Variants in XRCC4 observed in about 807,000 individuals in gnomAD.
XRCC4 encodes DNA repair protein XRCC4.
A neutral mutation model predicts 39.1 loss-of-function variants in XRCC4; 28 were observed. That is an observed-to-expected ratio of 0.72 (90% CI 0.53 to 0.98). The LOEUF (loss-of-function observed/expected upper bound fraction) is 0.98. Ranked by LOEUF, XRCC4 falls within the 50% of genes least tolerant of loss-of-function variation. The pLI is 0.00. For synonymous variants in XRCC4, 123 were observed against 126.4 expected, an observed-to-expected ratio of 0.97 and a Z score of 0.18; for missense variants, 350 against 376.4, an observed-to-expected ratio of 0.93 and a Z score of 0.58.
At chr5:83,220,741 G>T (rs1449789020) in intron 6 of XRCC4, among the ~76,000 whole-genome samples, 2 of 152,048 alleles carry the variant, frequency 1.3e-5, no homozygotes, top group African/African-American at 4.8e-5. Flanking sequence ...GATTTTTTGA[G>T]GAGAGAGAGA....
intron 7 of XRCC4, among the ~76,000 whole-genome samples, chr5:83,348,482 T>A (rs1756985791): frequency 1.3e-5 from 2 of 152,224 alleles, no homozygotes; most frequent in African/African-American, 4.8e-5. Flanking sequence ...CCAAGCTGCA[T>A]GTTGGCCCCT....
chr5:83,313,299 A>T (rs548841490), intron 7 of XRCC4, among the ~76,000 whole-genome samples: 2 of 152,216 alleles, frequency 1.3e-5, no homozygotes, highest in East Asian at 3.9e-4. Context: ...CACAGAAGGG[A>T]TCATGATATA....
At chr5:83,264,534 A>G (rs992833326) in intron 7 of XRCC4, among the ~76,000 whole-genome samples, 10 of 152,144 alleles carry the variant, frequency 6.6e-5, no homozygotes, top group Non-Finnish European at 1.2e-4. Context: ...TCCCAATTAT[A>G]AAAGCAGTTC....
At chr5:83,234,240 C>T (rs1431544537) in intron 6 of XRCC4, among the ~76,000 whole-genome samples, 1 of 152,078 alleles carries the variant, frequency 6.6e-6, no homozygotes, top group Non-Finnish European at 1.5e-5. Flanking sequence ...GAAGTATATT[C>T]CTAAGTTTTC....
chr5:83,219,593 T>C (rs933086460), intron 6 of XRCC4, among the ~76,000 whole-genome samples: 2 of 152,126 alleles, frequency 1.3e-5, no homozygotes, highest in Non-Finnish European at 2.9e-5. Context: ...GTGCATTAGA[T>C]TGGAGGTTTG....
At chr5:83,260,415 T>C (rs1260072197) in intron 7 of XRCC4, among the ~76,000 whole-genome samples, 1 of 152,040 alleles carries the variant, frequency 6.6e-6, no homozygotes, top group Non-Finnish European at 1.5e-5. Context: ...AAGTAGAAAA[T>C]AGACACAGCT....
chr5:83,264,481 A>C (rs1292831927), intron 7 of XRCC4, among the ~76,000 whole-genome samples: 30 of 152,156 alleles, frequency 2.0e-4, no homozygotes, highest in Admixed American at 1.8e-3. Flanking sequence ...GTCTGGTATT[A>C]ATTCATTTAT....
At chr5:83,294,266 G>C (rs1207283999) in intron 7 of XRCC4, among the ~76,000 whole-genome samples, 1 of 151,926 alleles carries the variant, frequency 6.6e-6, no homozygotes, top group African/African-American at 2.4e-5. Flanking sequence ...TTGCCAAATA[G>C]TATTTTGTGC....
intron 6 of XRCC4, among the ~76,000 whole-genome samples, chr5:83,225,906 G>A (rs143853475): frequency 7.7e-4 from 117 of 151,856 alleles, no homozygotes; most frequent in African/African-American, 2.7e-3. Flanking sequence ...TTTTTTCTTT[G>A]GTCAAGGGAG....
At chr5:83,227,963 C>T (rs898633793) in intron 6 of XRCC4, among the ~76,000 whole-genome samples, 2 of 151,896 alleles carry the variant, frequency 1.3e-5, no homozygotes, top group African/African-American at 4.8e-5. Flanking sequence ...ATGAAGGTGT[C>T]CTCTCTGAGA....
At chr5:83,258,224 A>T (rs1394585085) in intron 6 of XRCC4, among the ~76,000 whole-genome samples, 1 of 152,058 alleles carries the variant, frequency 6.6e-6, no homozygotes, top group Non-Finnish European at 1.5e-5. Context: ...TGTTGCTATG[A>T]TTTCTAGTTA....
At chr5:83,161,543 G>A (rs73771024) in intron 3 of XRCC4, among the ~76,000 whole-genome samples, 2,379 of 152,018 alleles carry the variant, frequency 0.016, 48 homozygotes, top group African/African-American at 0.055. Flanking sequence ...GAAGTCTAGG[G>A]GATCCTTTAA....
chr5:83,123,745 A>T (rs1355426066), intron 3 of XRCC4, among the ~76,000 whole-genome samples: 1 of 151,956 alleles, frequency 6.6e-6, no homozygotes, highest in East Asian at 1.9e-4. Flanking sequence ...TCTTTACCTT[A>T]TCACAGTCTA....
intron 6 of XRCC4, among the ~76,000 whole-genome samples, chr5:83,232,942 C>T (rs1269575111): frequency 2.6e-5 from 4 of 152,222 alleles, no homozygotes; most frequent in Non-Finnish European, 4.4e-5. Flanking sequence ...GAGGAACAGC[C>T]ATACTTCGAA....
the XRCC4 span, among the ~76,000 whole-genome samples, chr5:83,365,111 G>T: frequency 3.9e-5 from 6 of 152,108 alleles, no homozygotes; most frequent in African/African-American, 1.4e-4. Flanking sequence ...GAGGCCATTC[G>T]ATGGGAGTTC....
Position 83,276,382 on chromosome 5 carries a change from G to A in XRCC4, c.893+17705G>A, listed in dbSNP as rs28473158. Among the ~76,000 whole-genome samples the A allele has an allele frequency of 3.3e-3, 486 of 149,440 alleles. 1 individual carries two copies. The highest frequency in any genetic ancestry group is 0.011 in the African/African-American group (464 of 41,164). ...CCCAAATGTGTCAGTATTGAGAGGT[G>A]AGACCTTTAAGAGGTGATTGGGTTA... On this transcript the variant is annotated intron_variant, in intron 7 of 7. Transcript: ENST00000396027.
intron 7 of XRCC4, among the ~76,000 whole-genome samples, chr5:83,273,858 C>T (rs980529086): frequency 6.6e-6 from 1 of 151,676 alleles, no homozygotes; most frequent in Non-Finnish European, 1.5e-5. Flanking sequence ...CATGGTGCCA[C>T]TAGCCTTGTT....
rs563900046 is a variant in XRCC4 at position 83,242,456 on chromosome 5, A to T, written c.746-16074A>T. ...TTCATTTTCCTTTTATTTTATTATT[A>T]TTTTTTTGCCACAGGGTCTCACTTT... is the stretch of plus-strand genomic sequence containing the variant. On this transcript the variant is annotated intron_variant, in intron 6 of 7. Transcript: ENST00000396027. 3.3e-5 allele frequency among the ~76,000 whole-genome samples: 5 copies of T among 151,728 alleles called. No homozygotes were observed. In the East Asian group the frequency reaches 5.8e-4, roughly 18 times the overall value.
At chr5:83,081,110 G>T (rs1561311009) in intron 1 of XRCC4, among the ~76,000 whole-genome samples, 2 of 152,098 alleles carry the variant, frequency 1.3e-5, no homozygotes, top group East Asian at 1.9e-4. Context: ...CTCCTCACGG[G>T]GCCTTGGGAT....
Sources: allele counts gnomAD v4.1 joint callset (sites outside exome capture counted in the v4.1 genomes callset), GRCh38; gene constraint gnomAD v4.1.1; transcripts MANE v1.5; gene names NCBI Gene and HGNC (gene_info 2026-07-23, HGNC 2026-07-21).